BRINP1: variants seen among roughly 807,000 people sequenced by gnomAD.
The protein encoded by BRINP1 is BMP/retinoic acid inducible neural specific 1, also known as BMP/retinoic acid-inducible neural-specific protein 1.
BRINP1 carries 17 observed loss-of-function variants against 72.9 expected under a neutral mutation model. That is an observed-to-expected ratio of 0.23 (90% CI 0.16 to 0.35). The LOEUF is 0.35. Ranked by LOEUF, BRINP1 falls within the 10% of genes least tolerant of loss-of-function variation. BRINP1 has a pLI of 1.00. For synonymous variants in BRINP1, 418 were observed against 378.5 expected (o/e 1.10, Z -1.21); for missense variants, 850 against 1,001.6 (o/e 0.85, Z 2.04).
intron 2 of BRINP1, among the ~76,000 whole-genome samples, chr9:119,275,697 T>C (rs1203241452): frequency 6.6e-6 from 1 of 152,196 alleles, no homozygotes; most frequent in African/African-American, 2.4e-5. Context: ...TATAGTGCTG[T>C]TTTCACTAGT....
intron 2 of BRINP1, among the ~76,000 whole-genome samples, chr9:119,250,481 T>A (rs760677986): frequency 6.6e-6 from 1 of 152,232 alleles, no homozygotes; most frequent in Non-Finnish European, 1.5e-5. Context: ...CATTTCTTCA[T>A]CTATAAAATT....
rs1830025140 is a variant in BRINP1, at chr9:119,220,160, C to CTT, written c.686-6007_686-6006dup. Among the ~76,000 whole-genome samples, 11 of 152,170 alleles carry CTT rather than the reference C, an allele frequency of 7.2e-5. No homozygotes were observed. The South Asian group carries it at 2.3e-3, about 32-fold the overall frequency. ...GCATTTCTTATAGTACAAGAAAGAT[C>CTT]TTTATTCATTATAAGATGGGATTCT... On this transcript the variant is annotated intron_variant, in intron 5 of 7. Transcript: ENST00000265922.
chr9:119,180,548 G>T, intron 7 of BRINP1, among the ~76,000 whole-genome samples: 1 of 151,660 alleles, frequency 6.6e-6, no homozygotes, highest in Admixed American at 6.6e-5. Context: ...AGATGAATAC[G>T]TCAAGTCAGT....
chr9:119,328,944 G>C (rs1831267152), intron 1 of BRINP1, among the ~76,000 whole-genome samples: 1 of 152,090 alleles, frequency 6.6e-6, no homozygotes, highest in African/African-American at 2.4e-5. Context: ...CAAAAGCATG[G>C]AATCATAAAA....
intron 3 of BRINP1, among the ~76,000 whole-genome samples, chr9:119,247,316 G>GGTTC (rs1830330520): frequency 6.6e-6 from 1 of 151,828 alleles, no homozygotes; most frequent in Non-Finnish European, 1.5e-5. Context: ...TTGGTTGGTT[G>GGTTC]GTGGAGCGGG....
At chr9:119,335,575 C>G (rs1044725548) in intron 1 of BRINP1, among the ~76,000 whole-genome samples, 1 of 152,114 alleles carries the variant, frequency 6.6e-6, no homozygotes, top group African/African-American at 2.4e-5. Context: ...ATTTGATCAA[C>G]AGGAACCTAA....
At chr9:119,208,969 A>C (rs1188107770) in intron 6 of BRINP1, 28 bp from the exon 7 acceptor site, 1 of 1,581,342 alleles carries the variant, frequency 6.3e-7, no homozygotes, top group South Asian at 1.1e-5. Flanking sequence ...CCGAGAGAGA[A>C]GGGCTAAGCA....
intron 1 of BRINP1, among the ~76,000 whole-genome samples, chr9:119,355,437 T>A (rs1831551623): frequency 6.6e-6 from 1 of 152,094 alleles, no homozygotes; most frequent in African/African-American, 2.4e-5. Context: ...TGTTTAAAAA[T>A]GATACACCCG....
At chr9:119,168,528 A>G (rs1015382042) in intron 7 of BRINP1, among the ~76,000 whole-genome samples, 2 of 125,378 alleles carry the variant, frequency 1.6e-5, no homozygotes, top group Admixed American at 1.8e-4. Context: ...TCCATTATAC[A>G]CTAGTCCCAG....
At chr9:119,345,869 T>C (rs573181318) in intron 1 of BRINP1, among the ~76,000 whole-genome samples, 101 of 151,878 alleles carry the variant, frequency 6.7e-4, no homozygotes, top group African/African-American at 2.3e-3. Context: ...TATGAGGTGG[T>C]TTTTTTTGTT....
At chr9:119,316,334 C>A (rs1831123829) in intron 1 of BRINP1, among the ~76,000 whole-genome samples, 1 of 152,152 alleles carries the variant, frequency 6.6e-6, no homozygotes, top group Non-Finnish European at 1.5e-5. Context: ...GTGATCTGCC[C>A]GCCTCAGCCT....
intron 2 of BRINP1, among the ~76,000 whole-genome samples, chr9:119,263,757 A>G (rs1046589234): frequency 2.0e-4 from 31 of 151,596 alleles, no homozygotes; most frequent in Middle Eastern, 3.4e-3. Context: ...ACAGGTGCCC[A>G]CTACCACGTC....
intron 2 of BRINP1, among the ~76,000 whole-genome samples, chr9:119,292,905 C>A (rs1165014225): frequency 6.6e-6 from 1 of 152,134 alleles, no homozygotes; most frequent in Non-Finnish European, 1.5e-5. Context: ...GAGTTTAGAA[C>A]CAAGGTTACT....
At chr9:119,304,738 A>G (rs1213566264) in intron 2 of BRINP1, among the ~76,000 whole-genome samples, 1 of 152,244 alleles carries the variant, frequency 6.6e-6, no homozygotes, top group African/African-American at 2.4e-5. Flanking sequence ...GTAGGTCTGC[A>G]GCCTGCAGCT....
chr9:119,273,807 A>C (rs534006477), intron 2 of BRINP1, among the ~76,000 whole-genome samples: 2 of 152,338 alleles, frequency 1.3e-5, no homozygotes, highest in South Asian at 4.1e-4. Context: ...TAGTAAAGCC[A>C]AGATGCAAAA....
intron 7 of BRINP1, among the ~76,000 whole-genome samples, chr9:119,170,899 A>AGAAAT (rs1246572582): frequency 1.4e-5 from 2 of 145,576 alleles, no homozygotes; most frequent in East Asian, 4.0e-4. Flanking sequence ...TAAGTGAAGG[A>AGAAAT]GAAATAAAAT....
At chr9:119,285,699 TTTTC>T (rs1401660998) in intron 2 of BRINP1, among the ~76,000 whole-genome samples, 2 of 152,258 alleles carry the variant, frequency 1.3e-5, no homozygotes, top group African/African-American at 2.4e-5. Context: ...TATTTACCCG[TTTTC>T]TTTTTTTCCC....
chr9:119,175,919 G>A (rs1251489148), intron 7 of BRINP1, among the ~76,000 whole-genome samples: 2 of 152,042 alleles, frequency 1.3e-5, no homozygotes, highest in Non-Finnish European at 2.9e-5. Context: ...GGGACTTGAG[G>A]TCAGTCAGAG....
intron 2 of BRINP1, among the ~76,000 whole-genome samples, chr9:119,280,236 G>T (rs1830695827): frequency 7.9e-6 from 1 of 126,274 alleles, no homozygotes; most frequent in Non-Finnish European, 1.7e-5. Flanking sequence ...GAAATAAGTA[G>T]TTTTTTTTTC....
Sources: allele counts gnomAD v4.1 joint callset (sites outside exome capture counted in the v4.1 genomes callset), GRCh38; gene constraint gnomAD v4.1.1; transcripts MANE v1.5; gene names NCBI Gene and HGNC (gene_info 2026-07-23, HGNC 2026-07-21).